Variants in BCHE observed in about 807,000 individuals in gnomAD.
The protein encoded by BCHE is cholinesterase.
In BCHE, 48 loss-of-function variants were observed where a neutral mutation model predicts 51.3. That is an observed-to-expected ratio of 0.94 (90% confidence interval 0.74 to 1.19). The LOEUF is 1.19. BCHE is among the 50% of genes most tolerant of loss of function. The probability of loss-of-function intolerance (pLI) is 0.00; values close to 1 mark genes in which losing one functional copy is unlikely to be tolerated. For synonymous variants in BCHE, 251 were observed against 238.0 expected (o/e 1.05, Z -0.50); for missense variants, 847 against 708.2 (o/e 1.20, Z -2.23).
intron 2 of BCHE, among the ~76,000 whole-genome samples, chr3:165,808,584 TA>T (rs1461842519): frequency 6.6e-6 from 1 of 152,186 alleles, no homozygotes; most frequent in Non-Finnish European, 1.5e-5. Context: ...TTTGGTTTTT[TA>T]TAAACATGAT....
In BCHE at chr3:165,830,177, G is replaced by T. The variant is rs1169174471; in HGVS notation, c.857C>A (p.Thr286Asn). ...ATTTCTAAGACACTTGATTATTTCAGTCTCATTCTCTCTAGAGCAACCAGT... is the reference window on the plus strand; with the variant it reads ...ATTTCTAAGACACTTGATTATTTCATTCTCATTCTCTCTAGAGCAACCAGT... ...KLTGCSRENE[T>N]EIIKCLRNKD... The change falls in exon 2 of 4, where the codon ACT becomes AAT. Residue 286 changes from threonine (T) to asparagine (N), a missense_variant. By Grantham distance (65) the Thr-to-Asn change is moderately conservative. Coordinates refer to ENST00000264381, the MANE Select transcript of BCHE (RefSeq NM_000055.4). 1.2e-6 allele frequency: 2 copies of T among 1,613,914 alleles called. No homozygotes were observed. The highest frequency in any genetic ancestry group is 2.2e-5 in the South Asian group (2 of 91,076).
At chr3:165,802,886 C>T (rs1020675563) in intron 2 of BCHE, among the ~76,000 whole-genome samples, 1 of 151,942 alleles carries the variant, frequency 6.6e-6, no homozygotes, top group Non-Finnish European at 1.5e-5. Flanking sequence ...GGACTACAGG[C>T]GCCCACCACC....
In BCHE at chr3:165,837,362, T is replaced by G; in HGVS notation, c.-57A>C. ...CAAAGTTTGCAAGGAGTGAAAATCA[T>G]GTAATACTTCGGGGAAATGCAGGAT... On this transcript the variant is annotated 5_prime_UTR_variant, in exon 1 of 4. The change abolishes an upstream ATG in the 5' untranslated region. Coordinates refer to ENST00000264381, the MANE Select transcript of BCHE (RefSeq NM_000055.4). 7.8e-7 allele frequency: 1 copy of G among 1,289,796 alleles called. No individual in the cohort carries two copies. Among genetic ancestry groups the G allele is most frequent in the East Asian group, 5.6e-5 (1 of 18,016 alleles). 79.9% of individuals were successfully genotyped at this position (1,289,796 alleles called of 1,614,324 possible). A position where few individuals can be genotyped will look rare whatever the true frequency, so the allele number is the denominator to read the frequency against.
At chr3:165,774,908 A>G (rs1712405233) in intron 3 of BCHE, among the ~76,000 whole-genome samples, 1 of 151,982 alleles carries the variant, frequency 6.6e-6, no homozygotes, top group Non-Finnish European at 1.5e-5. Context: ...GTGAACAGTA[A>G]AAACTATTAA....
intron 2 of BCHE, among the ~76,000 whole-genome samples, chr3:165,818,774 C>T (rs996474681): frequency 6.6e-6 from 1 of 152,024 alleles, no homozygotes; most frequent in African/African-American, 2.4e-5. Context: ...TATAGGTATA[C>T]CCAGATCTAT....
chr3:165,831,889 A>C (rs562614288), intron 1 of BCHE, among the ~76,000 whole-genome samples: 1 of 152,304 alleles, frequency 6.6e-6, no homozygotes, highest in South Asian at 2.1e-4. Context: ...GCTTAAGAGG[A>C]ATTTTATACT....
intron 2 of BCHE, among the ~76,000 whole-genome samples, chr3:165,801,215 G>T (rs1333069857): frequency 6.6e-6 from 1 of 152,194 alleles, no homozygotes; most frequent in Non-Finnish European, 1.5e-5. Context: ...ATTTCTGAAT[G>T]ACTTGCTAAT....
In BCHE at chr3:165,815,340, G is replaced by A. The variant is rs1055411290; in HGVS notation, c.1517+14177C>T. On this transcript the variant is annotated intron_variant, in intron 2 of 3. Transcript: ENST00000264381. ...AAAATTCTAATAGAGAGGGAGCAAA[G>A]TTTAGGGAAGATGGATCTGGGTTCC... 2.0e-5 allele frequency among the ~76,000 whole-genome samples: 3 copies of A among 151,822 alleles called. No homozygotes were observed. The East Asian group carries it at 5.8e-4, about 29-fold the overall frequency.
In BCHE at chr3:165,822,758, C is replaced by T. The variant is rs139902498; in HGVS notation, c.1517+6759G>A. Among the ~76,000 whole-genome samples, 450 of 152,132 alleles carry T rather than the reference C, an allele frequency of 3.0e-3. 5 individuals carry two copies. Among genetic ancestry groups the T allele is most frequent in the African/African-American group, 0.01 (427 of 41,550 alleles). On this transcript the variant is annotated intron_variant, in intron 2 of 3. Transcript: ENST00000264381. ...TGGAGGGGTTTTGAAATAATGATAA[C>T]TTCCATTTTATACTATCTTACTAAT...
At chr3:165,824,575 T>TATAA (rs2108230804) in intron 2 of BCHE, among the ~76,000 whole-genome samples, 2 of 152,126 alleles carry the variant, frequency 1.3e-5, no homozygotes, top group South Asian at 4.1e-4. Flanking sequence ...AAACGATAGA[T>TATAA]ATAAATATTG....
intron 2 of BCHE, among the ~76,000 whole-genome samples, chr3:165,803,611 G>T (rs1242620376): frequency 1.3e-5 from 2 of 152,028 alleles, no homozygotes; most frequent in African/African-American, 2.4e-5. Context: ...CTCTTAAAGA[G>T]AATTCTGGTT....
intron 1 of BCHE, among the ~76,000 whole-genome samples, chr3:165,837,083 A>G (rs1423195538): frequency 2.6e-5 from 4 of 152,116 alleles, no homozygotes; most frequent in Non-Finnish European, 5.9e-5. Flanking sequence ...TAAATTCATT[A>G]TTTTCTCAGC....
At position 165,804,076 on chromosome 3, in the gene BCHE, G is replaced by T. The variant is rs1255555561; in HGVS notation, c.1518-17765C>A. ...GGTTAGAAAAAAAAAAAACTCTGAT[G>T]ATTTCTGGGTTTCCATGACTCCACT... On this transcript the variant is annotated intron_variant, in intron 2 of 3. Coordinates refer to ENST00000264381, the MANE Select transcript of BCHE (RefSeq NM_000055.4). Among the ~76,000 whole-genome samples the T allele has an allele frequency of 2.0e-5, 3 of 151,222 alleles. No individual in the cohort carries two copies. The East Asian group carries it at 5.8e-4, about 29-fold the overall frequency.
chr3:165,834,591 A>G (rs1044598316), intron 1 of BCHE, among the ~76,000 whole-genome samples: 17 of 151,882 alleles, frequency 1.1e-4, no homozygotes, highest in African/African-American at 4.1e-4. Flanking sequence ...CCTTTTTATA[A>G]TCTGGTATTA....
chr3:165,830,472 G>T lies in BCHE; in HGVS notation c.562C>A (p.Pro188Thr). ...AAACCCATGTTCCCTGGAGCCTCAGGATTTCCTGGCAAAGCTAAGAATCCT... is the reference window on the plus strand; with the variant it reads ...AAACCCATGTTCCCTGGAGCCTCAGTATTTCCTGGCAAAGCTAAGAATCCT... ...ALGFLALPGN[P>T]EAPGNMGLFD... Residue 188 changes from proline to threonine, a missense_variant, in exon 2 of 4, where the codon CCT becomes ACT. Coordinates refer to ENST00000264381, the MANE Select transcript of BCHE (RefSeq NM_000055.4). 1 of 1,613,676 alleles carries T rather than the reference G, an allele frequency of 6.2e-7. No homozygotes were observed. Among genetic ancestry groups the T allele is most frequent in the Non-Finnish European group, 8.5e-7 (1 of 1,179,826 alleles).
intron 2 of BCHE, among the ~76,000 whole-genome samples, chr3:165,816,492 T>A (rs1714317989): frequency 6.6e-6 from 1 of 151,966 alleles, no homozygotes; most frequent in Non-Finnish European, 1.5e-5. Flanking sequence ...TAATGCTCTT[T>A]GAAAGAGTTG....
At chr3:165,793,488 G>C (rs116403557) in intron 2 of BCHE, among the ~76,000 whole-genome samples, 3 of 152,094 alleles carry the variant, frequency 2.0e-5, no homozygotes, top group Non-Finnish European at 4.4e-5. Context: ...TTTGTTCACA[G>C]CCTGAAATTG....
intron 1 of BCHE, among the ~76,000 whole-genome samples, chr3:165,835,452 A>T (rs980548626): frequency 6.6e-6 from 1 of 151,878 alleles, no homozygotes; most frequent in Admixed American, 6.6e-5. Context: ...AAAAGTTACA[A>T]TTAAATAAAT....
chr3:165,826,252 A>G (rs148015806), intron 2 of BCHE, among the ~76,000 whole-genome samples: 265 of 152,292 alleles, frequency 1.7e-3, no homozygotes, highest in African/African-American at 6.2e-3. Context: ...GAAACAACGT[A>G]TGAGTGAATG....
Sources: gnomAD v4.1 joint callset for allele counts (sites outside exome capture counted in the v4.1 genomes callset) on GRCh38, gnomAD v4.1.1 for gene constraint, MANE v1.5 for transcripts, NCBI Gene and HGNC (gene_info 2026-07-23, HGNC 2026-07-21) for gene names.